Variants in FHIT observed in about 807,000 individuals in gnomAD.
The protein encoded by FHIT is fragile histidine triad diadenosine triphosphatase.
Under a neutral mutation model 17.9 loss-of-function variants are expected in FHIT, and 19 were observed. The ratio of observed to expected loss-of-function variants is 1.06; its 90% CI spans 0.74 to 1.56. The LOEUF (loss-of-function observed/expected upper bound fraction) is 1.56. FHIT is among the 40% of genes most tolerant of loss of function. The probability of loss-of-function intolerance (pLI) is 0.00; values close to 1 mark genes in which losing one functional copy is unlikely to be tolerated. For synonymous variants in FHIT, 81 were observed against 69.7 expected (o/e 1.16, Z -0.81); for missense variants, 248 against 189.2 (o/e 1.31, Z -1.82).
At chr3:60,960,790 C>G (rs1313686942) in intron 3 of FHIT, among the ~76,000 whole-genome samples, 1 of 152,218 alleles carries the variant, frequency 6.6e-6, no homozygotes, top group Non-Finnish European at 1.5e-5. Flanking sequence ...GCATAGTATT[C>G]CATGTTGTAT....
intron 5 of FHIT, among the ~76,000 whole-genome samples, chr3:60,360,918 C>T (rs1699881089): frequency 1.3e-5 from 2 of 152,214 alleles, no homozygotes; most frequent in African/African-American, 4.8e-5. Context: ...GTTTTGTCAA[C>T]CACAACCCAA....
intron 5 of FHIT, among the ~76,000 whole-genome samples, chr3:60,451,837 GA>G (rs1303103138): frequency 2.6e-5 from 4 of 152,088 alleles, no homozygotes; most frequent in Admixed American, 1.3e-4. Flanking sequence ...GGGAAAAAAA[GA>G]AAATCACAGC....
chr3:61,244,436 G>A (rs1215253994), intron 1 of FHIT, among the ~76,000 whole-genome samples: 1 of 152,218 alleles, frequency 6.6e-6, no homozygotes, highest in Non-Finnish European at 1.5e-5. Context: ...AATTTAGAAA[G>A]ACTCAATTGC....
At chr3:59,995,846 G>GT (rs1699485481) in intron 7 of FHIT, among the ~76,000 whole-genome samples, 1 of 149,428 alleles carries the variant, frequency 6.7e-6, no homozygotes, top group Non-Finnish European at 1.5e-5. Flanking sequence ...CTCAACATTA[G>GT]TAAGTCTGGG....
At chr3:59,780,248 A>C (rs999013733) in intron 8 of FHIT, among the ~76,000 whole-genome samples, 1 of 152,204 alleles carries the variant, frequency 6.6e-6, no homozygotes, top group African/African-American at 2.4e-5. Flanking sequence ...CTGTAGGTAA[A>C]GTTCCAGCTC....
intron 5 of FHIT, among the ~76,000 whole-genome samples, chr3:60,373,893 T>C (rs1700437594): frequency 6.6e-6 from 1 of 152,190 alleles, no homozygotes; most frequent in Non-Finnish European, 1.5e-5. Flanking sequence ...AAGGAGGTTT[T>C]AGCCTAGGCA....
intron 2 of FHIT, among the ~76,000 whole-genome samples, chr3:61,140,022 CA>C (rs112352685): frequency 0.025 from 2,760 of 109,934 alleles, 55 homozygotes; most frequent in African/African-American, 0.074. Context: ...CAAGAGAAAG[CA>C]AAAAAAAAAA....
intron 1 of FHIT, among the ~76,000 whole-genome samples, chr3:61,213,901 T>C (rs2106782486): frequency 6.6e-6 from 1 of 152,308 alleles, no homozygotes; most frequent in Middle Eastern, 3.4e-3. Context: ...TGCTCCTGAA[T>C]GACTACTGGG....
intron 7 of FHIT, among the ~76,000 whole-genome samples, chr3:59,925,550 G>A (rs868136208): frequency 2.0e-5 from 3 of 152,226 alleles, no homozygotes; most frequent in Middle Eastern, 6.8e-3. Context: ...CAGGGTCCAG[G>A]TCTATCCCCT....
intron 2 of FHIT, among the ~76,000 whole-genome samples, chr3:61,080,086 A>C (rs932882905): frequency 1.3e-5 from 2 of 152,206 alleles, no homozygotes; most frequent in Non-Finnish European, 2.9e-5. Context: ...AAAAGCACAC[A>C]GAAAGCATTC....
At chr3:61,089,235 G>A (rs538731557) in intron 2 of FHIT, among the ~76,000 whole-genome samples, 2 of 152,134 alleles carry the variant, frequency 1.3e-5, no homozygotes, top group Non-Finnish European at 2.9e-5. Flanking sequence ...TAAGATATCC[G>A]TAACGTAAAA....
chr3:61,185,079 C>T (rs967135393), intron 2 of FHIT, among the ~76,000 whole-genome samples: 1 of 152,188 alleles, frequency 6.6e-6, no homozygotes, highest in East Asian at 1.9e-4. Flanking sequence ...TTTTTCCCCC[C>T]CACGAAGTAG....
At chr3:59,854,285 G>T (rs1471788520) in intron 8 of FHIT, among the ~76,000 whole-genome samples, 1 of 152,046 alleles carries the variant, frequency 6.6e-6, no homozygotes, top group Non-Finnish European at 1.5e-5. Flanking sequence ...CATTCCAGGG[G>T]GAAGAACCCA....
In FHIT at chr3:60,664,185, G is replaced by A. The variant is rs571921010; in HGVS notation, c.-17-127206C>T. Among the ~76,000 whole-genome samples the A allele has an allele frequency of 1.3e-3, 192 of 152,124 alleles. No homozygotes were observed. The Middle Eastern group carries it at 0.017, about 13-fold the overall frequency. On this transcript the variant is annotated intron_variant, in intron 4 of 9. Transcript: ENST00000492590. ...GATTTTGTCAGACGCCTTTTTATAT[G>A]ATGATATTATTTACTTTTTTTATTT...
At chr3:60,891,269 A>G (rs1705505203) in intron 3 of FHIT, among the ~76,000 whole-genome samples, 1 of 152,070 alleles carries the variant, frequency 6.6e-6, no homozygotes, top group Non-Finnish European at 1.5e-5. Flanking sequence ...TTTCTGAAAA[A>G]CTACTCCATC....
At chr3:60,089,633 C>T (rs1402726801) in intron 5 of FHIT, among the ~76,000 whole-genome samples, 2 of 152,158 alleles carry the variant, frequency 1.3e-5, no homozygotes, top group African/African-American at 4.8e-5. Flanking sequence ...CTGTCTTACA[C>T]CATTAGCGCT....
intron 5 of FHIT, among the ~76,000 whole-genome samples, chr3:60,160,256 G>C (rs768145529): frequency 1.3e-5 from 2 of 152,050 alleles, no homozygotes; most frequent in African/African-American, 2.4e-5. Context: ...CTAAAAATTA[G>C]AGATTCCGAA....
At position 60,922,965 on chromosome 3, in the gene FHIT, T is replaced by TA. The variant is rs1237124700; in HGVS notation, c.-110-100955dup. Among the ~76,000 whole-genome samples the TA allele has an allele frequency of 3.9e-5, 6 of 152,332 alleles. No homozygotes were observed. In the East Asian group the frequency reaches 7.7e-4, roughly 20 times the overall value. ...TTGAATAACACTTGATCATTAAAAA[T>TA]AAAAAATCATTAATGTTAAGCAAAT... On this transcript the variant is annotated intron_variant, in intron 3 of 9. Coordinates refer to ENST00000492590, the MANE Select transcript of FHIT (RefSeq NM_002012.4).
chr3:60,867,463 G>A (rs1704216071), intron 3 of FHIT, among the ~76,000 whole-genome samples: 1 of 152,178 alleles, frequency 6.6e-6, no homozygotes, highest in Admixed American at 6.6e-5. Flanking sequence ...AAGATGTTAT[G>A]GCTGTGAGCT....
Sources: allele counts gnomAD v4.1 joint callset (sites outside exome capture counted in the v4.1 genomes callset), GRCh38; gene constraint gnomAD v4.1.1; transcripts MANE v1.5; gene names NCBI Gene and HGNC (gene_info 2026-07-23, HGNC 2026-07-21).